The following COL24A1 variants were observed in gnomAD, a reference collection of about 807,000 sequenced individuals.
COL24A1 encodes the protein collagen type XXIV alpha 1 chain.
In COL24A1, 224 loss-of-function variants were observed where a neutral mutation model predicts 253.9. That is an observed-to-expected ratio of 0.88 (90% CI 0.79 to 0.99). The LOEUF (loss-of-function observed/expected upper bound fraction) is 0.99. COL24A1 is among the 50% of genes least tolerant of loss of function. The probability of loss-of-function intolerance (pLI) is 0.00; values close to 1 mark genes in which losing one functional copy is unlikely to be tolerated. For synonymous variants in COL24A1, 685 were observed against 673.7 expected (o/e 1.02, Z -0.26); for missense variants, 2,131 against 2,068.5 (o/e 1.03, Z -0.59).
chr1:86,031,972 T>G (rs1698609333), intron 13 of COL24A1, 50 bp from the exon 14 acceptor site: 1 of 1,441,276 alleles, frequency 6.9e-7, no homozygotes, highest in South Asian at 1.2e-5. Flanking sequence ...TCCCAACTAC[T>G]AAGGGTATTT....
chr1:86,022,433 T>C (rs1171186546), intron 17 of COL24A1, 105 bp downstream of exon 17: 7 of 1,323,312 alleles, frequency 5.3e-6, no homozygotes, highest in Non-Finnish European at 6.4e-6. Flanking sequence ...TAAAACCATA[T>C]TGATACCACA....
intron 18 of COL24A1, among the ~76,000 whole-genome samples, chr1:86,019,063 G>A (rs1313728882): frequency 6.6e-6 from 1 of 152,052 alleles, no homozygotes; most frequent in African/African-American, 2.4e-5. Context: ...TATAAAATAG[G>A]GAAGACATCC....
intron 45 of COL24A1, 128 bp downstream of exon 45, chr1:85,823,408 C>T: frequency 1.2e-6 from 1 of 817,978 alleles, no homozygotes; most frequent in Non-Finnish European, 2.0e-6. Flanking sequence ...ACTTAGAGGC[C>T]CATAGTGATC....
chr1:85,781,104 A>G (rs1430329640), intron 52 of COL24A1, 116 bp downstream of exon 52: 2 of 704,738 alleles, frequency 2.8e-6, no homozygotes, highest in Middle Eastern at 3.6e-4. Context: ...AAGAAAATGT[A>G]TATCTATTTT....
intron 24 of COL24A1, among the ~76,000 whole-genome samples, chr1:85,957,182 G>T (rs1352397909): frequency 6.6e-6 from 1 of 152,122 alleles, no homozygotes; most frequent in African/African-American, 2.4e-5. Flanking sequence ...ACACACCAGG[G>T]CCTGTCAGGG....
intron 19 of COL24A1, among the ~76,000 whole-genome samples, chr1:85,999,559 C>T (rs1695190832): frequency 6.6e-6 from 1 of 151,942 alleles, no homozygotes; most frequent in East Asian, 1.9e-4. Context: ...GAGGCTGCAG[C>T]TGCAGTGGCC....
rs190947733 is a variant in COL24A1 at position 85,921,011 on chromosome 1, G to A, written c.2563-9578C>T. 1.3e-5 allele frequency among the ~76,000 whole-genome samples: 2 copies of A among 152,236 alleles called. 1 individual carries two copies. The highest frequency in any genetic ancestry group is 3.9e-4 in the East Asian group (2 of 5,184). On this transcript the variant is annotated intron_variant, in intron 24 of 59. Transcript: ENST00000370571. ...GTTCCAAGATGGCCAAATAGGAACA[G>A]CTCTGATCTGCAGCTCTCAGCATGA...
At chr1:85,764,307 ATAT>A (rs1279454204) in intron 53 of COL24A1, among the ~76,000 whole-genome samples, 2 of 152,126 alleles carry the variant, frequency 1.3e-5, no homozygotes, top group South Asian at 2.1e-4. Context: ...GAATTTAGTA[ATAT>A]TAAATAAGAT....
intron 20 of COL24A1, among the ~76,000 whole-genome samples, chr1:85,981,082 A>G (rs1278966934): frequency 6.6e-6 from 1 of 152,232 alleles, no homozygotes; most frequent in Non-Finnish European, 1.5e-5. Flanking sequence ...TGCCAAAAGC[A>G]ATCTACAAAT....
intron 24 of COL24A1, among the ~76,000 whole-genome samples, chr1:85,948,717 T>C (rs1689593014): frequency 6.6e-6 from 1 of 151,728 alleles, no homozygotes; most frequent in Non-Finnish European, 1.5e-5. Context: ...TAACTCATTC[T>C]ATGAGGCCAG....
At chr1:86,110,989 T>C (rs1451650229) in intron 5 of COL24A1, among the ~76,000 whole-genome samples, 4 of 152,134 alleles carry the variant, frequency 2.6e-5, no homozygotes, top group African/African-American at 9.7e-5. Flanking sequence ...TGACATCCGC[T>C]AGGGGAAGCC....
rs530892609 is a variant in COL24A1 at position 85,783,610 on chromosome 1, A to G, written c.4222-52T>C. 2.7e-6 allele frequency: 4 copies of G among 1,479,924 alleles called. No individual in the cohort carries two copies. The African/African-American group carries it at 4.2e-5, about 15-fold the overall frequency. 91.7% of individuals were successfully genotyped at this position (1,479,924 alleles called of 1,614,324 possible). On this transcript the variant is annotated intron_variant, in intron 50 of 59. Coordinates refer to ENST00000370571, the MANE Select transcript of COL24A1 (RefSeq NM_152890.7). ...ATAAAATTTGTAGCTCTATATGAACATTTTACAAAACTATATAAATCTATC... is the reference window on the plus strand; with the variant it reads ...ATAAAATTTGTAGCTCTATATGAACGTTTTACAAAACTATATAAATCTATC...
intron 11 of COL24A1, among the ~76,000 whole-genome samples, chr1:86,047,178 G>A (rs1031413410): frequency 5.1e-4 from 77 of 152,152 alleles, no homozygotes; most frequent in Non-Finnish European, 1.2e-4. Flanking sequence ...GGCACAACTA[G>A]ATGAACACGA....
chr1:85,920,980 A>T (rs1686400345), intron 24 of COL24A1, among the ~76,000 whole-genome samples: 1 of 152,162 alleles, frequency 6.6e-6, no homozygotes, highest in Non-Finnish European at 1.5e-5. Context: ...AGAGTCAAAT[A>T]GTCATGTTCC....
At chr1:86,111,603 G>T (rs191360083) in intron 5 of COL24A1, among the ~76,000 whole-genome samples, 4 of 152,226 alleles carry the variant, frequency 2.6e-5, no homozygotes, top group Admixed American at 1.3e-4. Context: ...AAAGCAGGCT[G>T]CCCGAGCCCA....
chr1:85,910,850 G>A (rs1685293876), intron 25 of COL24A1, among the ~76,000 whole-genome samples: 1 of 151,802 alleles, frequency 6.6e-6, no homozygotes, highest in Non-Finnish European at 1.5e-5. Flanking sequence ...AGTCCAAGAA[G>A]TGAAGAAATT....
At chr1:86,084,752 T>TCCCCAA (rs1702933589) in intron 7 of COL24A1, among the ~76,000 whole-genome samples, 1 of 152,220 alleles carries the variant, frequency 6.6e-6, no homozygotes, top group Admixed American at 6.5e-5. Flanking sequence ...CAGGGAAGTT[T>TCCCCAA]TCAAAGTCCC....
chr1:85,985,637 G>C (rs1051250226), intron 20 of COL24A1, among the ~76,000 whole-genome samples: 1 of 151,706 alleles, frequency 6.6e-6, no homozygotes, highest in African/African-American at 2.4e-5. Flanking sequence ...AAAAATAAAG[G>C]GTGCCTAACT....
intron 6 of COL24A1, 136 bp downstream of exon 6, chr1:86,092,131 T>C: frequency 1.6e-6 from 1 of 643,972 alleles, no homozygotes; most frequent in Admixed American, 3.4e-5. Context: ...TAGTTCTTCC[T>C]TCATTAAAAT....
Sources: gnomAD v4.1 joint callset for allele counts (sites outside exome capture counted in the v4.1 genomes callset) on GRCh38, gnomAD v4.1.1 for gene constraint, MANE v1.5 for transcripts, NCBI Gene and HGNC (gene_info 2026-07-23, HGNC 2026-07-21) for gene names.